Variants in TBL1X observed in about 807,000 individuals in gnomAD.
TBL1X encodes F-box-like/WD repeat-containing protein TBL1X.
A neutral mutation model predicts 50.7 loss-of-function variants in TBL1X; 10 were observed. The ratio of observed to expected loss-of-function variants is 0.20; its 90% confidence interval spans 0.12 to 0.33. TBL1X has a LOEUF of 0.33. Ranked by LOEUF, TBL1X falls within the 10% of genes least tolerant of loss-of-function variation. TBL1X has a pLI of 1.00. For synonymous variants in TBL1X, 190 were observed against 214.7 expected, an observed-to-expected ratio of 0.88 and a Z score of 1.01; for missense variants, 340 against 504.4, an observed-to-expected ratio of 0.67 and a Z score of 3.12.
intron 2 of TBL1X, among the ~76,000 whole-genome samples, chrX:9,532,901 A>G (rs2082169534): frequency 9.0e-6 from 1 of 111,028 alleles, no homozygotes; most frequent in Non-Finnish European, 1.9e-5. Flanking sequence ...ATGAGTTGGG[A>G]GTAGGGATGT....
At position 9,538,519 on chromosome X, in the gene TBL1X, C is replaced by T. The variant is rs183384047; in HGVS notation, c.-131+36670C>T. Among the ~76,000 whole-genome samples the T allele has an allele frequency of 4.5e-5, 5 of 112,350 alleles. No homozygotes were observed. In the East Asian group the frequency reaches 1.4e-3, roughly 31 times the overall value. On this transcript the variant is annotated intron_variant, in intron 2 of 17. Transcript: ENST00000645353. ...ACATCTGTCGAAATATTAGGACGTG[C>T]CCAGTCTCCCATCCTCTGCTGAAAC...
At chrX:9,576,890 C>T (rs1601770193) in intron 2 of TBL1X, among the ~76,000 whole-genome samples, 2 of 109,432 alleles carry the variant, frequency 1.8e-5, no homozygotes, top group African/African-American at 3.3e-5. Flanking sequence ...GTCTTAGCTA[C>T]TTGGGAGGCT....
At chrX:9,544,715 A>G (rs2082232854) in intron 2 of TBL1X, among the ~76,000 whole-genome samples, 1 of 110,286 alleles carries the variant, frequency 9.1e-6, no homozygotes, top group South Asian at 3.9e-4. Flanking sequence ...GGCATGCACC[A>G]CCACGCCCAG....
chrX:9,655,912 C>T (rs1191820008), intron 5 of TBL1X, among the ~76,000 whole-genome samples: 4 of 112,513 alleles, frequency 3.6e-5, no homozygotes, highest in Admixed American at 9.4e-5. Context: ...TGCTCAAATA[C>T]GTCAGGCACG....
intron 1 of TBL1X, among the ~76,000 whole-genome samples, chrX:9,482,913 T>C (rs1039767093): frequency 9.0e-6 from 1 of 111,619 alleles, no homozygotes; most frequent in Non-Finnish European, 1.9e-5. Flanking sequence ...TCCCATGTGG[T>C]GTGGCTGGCC....
chrX:9,555,854 C>T (rs904527015), intron 2 of TBL1X, among the ~76,000 whole-genome samples: 2 of 111,266 alleles, frequency 1.8e-5, no homozygotes, highest in Non-Finnish European at 3.8e-5. Context: ...GCAGTGTAAC[C>T]GGCCTCTCAG....
intron 5 of TBL1X, among the ~76,000 whole-genome samples, chrX:9,683,295 C>A (rs777793690): frequency 8.9e-6 from 1 of 112,060 alleles, no homozygotes; most frequent in Non-Finnish European, 1.9e-5. Flanking sequence ...TGACCCCCTT[C>A]CCAACAGCTT....
upstream of TBL1X, among the ~76,000 whole-genome samples, chrX:9,464,676 T>TCC (rs2081757718): frequency 9.1e-6 from 1 of 110,313 alleles, no homozygotes; most frequent in Admixed American, 9.5e-5. Flanking sequence ...AAAGGCTGGG[T>TCC]TTGGGATGTG....
chrX:9,560,033 T>C lies in TBL1X; in HGVS notation c.-131+58184T>C, dbSNP rs1444253851. On this transcript the variant is annotated intron_variant, in intron 2 of 17. Coordinates refer to ENST00000645353, the MANE Select transcript of TBL1X (RefSeq NM_005647.4). ...TTTTACATATAATATCTCTGTTCCA[T>C]CAGCTGCATAACCTAGATATCCTTC... Among the ~76,000 whole-genome samples, 3 of 111,798 alleles carry C rather than the reference T, an allele frequency of 2.7e-5. No individual in the cohort carries two copies. The Admixed American group carries it at 2.9e-4, about 11-fold the overall frequency.
chrX:9,645,843 G>C (rs1048323421), intron 3 of TBL1X, among the ~76,000 whole-genome samples: 3 of 111,837 alleles, frequency 2.7e-5, no homozygotes, highest in African/African-American at 9.8e-5. Flanking sequence ...CTGTAACCTT[G>C]TTGGCCCTCT....
At chrX:9,684,008 T>G in intron 5 of TBL1X, 35 bp from the exon 6 acceptor site, 1 of 1,211,294 alleles carries the variant, frequency 8.3e-7, no homozygotes, top group Non-Finnish European at 1.1e-6. Context: ...TCAATTCGGG[T>G]CTCACTCAAC....
At chrX:9,707,405 A>C (rs752763161) in intron 13 of TBL1X, among the ~76,000 whole-genome samples, 2 of 112,494 alleles carry the variant, frequency 1.8e-5, no homozygotes, top group Non-Finnish European at 3.8e-5. Context: ...TGTACACACT[A>C]TCTGCAGTTC....
At position 9,607,892 on chromosome X, in the gene TBL1X, C is replaced by T. The variant is rs1457925128; in HGVS notation, c.-130-32381C>T. Among the ~76,000 whole-genome samples the T allele has an allele frequency of 3.6e-5, 4 of 109,937 alleles. No individual in the cohort carries two copies. In the East Asian group the frequency reaches 8.5e-4, roughly 23 times the overall value. ...GCAGTGGTGTGATCATAGCTCACTA[C>T]AGCCTCAACCTCCTGGGCTTAAGCA... On this transcript the variant is annotated intron_variant, in intron 2 of 17. Coordinates refer to ENST00000645353, the MANE Select transcript of TBL1X (RefSeq NM_005647.4).
Position 9,709,243 on chromosome X carries a change from T to C in TBL1X, c.1237-5T>C. 1 of 1,210,318 alleles carries C rather than the reference T, an allele frequency of 8.3e-7. No individual in the cohort carries two copies. The highest frequency in any genetic ancestry group is 1.1e-6 in the Non-Finnish European group (1 of 894,860). Reference sequence around the variant, plus strand: ...TCTTTTTCACACTCTTCTGCTCTCTTTCAGAACGAGGTCAACGCCATCAAA... The same window carrying C: ...TCTTTTTCACACTCTTCTGCTCTCTCTCAGAACGAGGTCAACGCCATCAAA... On this transcript the variant is annotated splice_region_variant and splice_polypyrimidine_tract_variant and intron_variant, in intron 13 of 17. Transcript: ENST00000645353.
rs553598458 is a variant in TBL1X at position 9,497,468 on chromosome X, A to G, written c.-200-4312A>G. ...AGAAAGCCTGAAGCCCACAAGAGCA[A>G]TTAGCAAAAGGAACCCTGACATAAC... On this transcript the variant is annotated intron_variant, in intron 1 of 17. Coordinates refer to ENST00000645353, the MANE Select transcript of TBL1X (RefSeq NM_005647.4). Among the ~76,000 whole-genome samples, 19 of 109,432 alleles carry G rather than the reference A, an allele frequency of 1.7e-4. No individual in the cohort carries two copies. The South Asian group carries it at 4.4e-3, about 25-fold the overall frequency.
chrX:9,651,314 G>A (rs965875046), intron 3 of TBL1X, among the ~76,000 whole-genome samples: 7 of 112,128 alleles, frequency 6.2e-5, no homozygotes, highest in Non-Finnish European at 1.3e-4. Context: ...CAAATTGCTG[G>A]GATGATAGGT....
At chrX:9,480,243 T>C (rs940799963) in intron 1 of TBL1X, among the ~76,000 whole-genome samples, 8 of 112,040 alleles carry the variant, frequency 7.1e-5, no homozygotes, top group African/African-American at 2.6e-4. Context: ...CGTGAGCCAC[T>C]GCACCTGGCG....
At chrX:9,675,291 T>C (rs2082986605) in intron 5 of TBL1X, among the ~76,000 whole-genome samples, 1 of 111,418 alleles carries the variant, frequency 9.0e-6, no homozygotes. Flanking sequence ...ATCTTGGTGA[T>C]GCGGACCTAG....
At chrX:9,544,420 C>CT (rs764664850) in intron 2 of TBL1X, among the ~76,000 whole-genome samples, 11 of 111,277 alleles carry the variant, frequency 9.9e-5, no homozygotes, top group Non-Finnish European at 1.7e-4. Flanking sequence ...GGCTGGGAGA[C>CT]TCCAGAGAGA....
Sources: allele counts gnomAD v4.1 joint callset (sites outside exome capture counted in the v4.1 genomes callset), GRCh38; gene constraint gnomAD v4.1.1; transcripts MANE v1.5; gene names NCBI Gene and HGNC (gene_info 2026-07-23, HGNC 2026-07-21).